AXIN2: variants seen among roughly 807,000 people sequenced by gnomAD.
AXIN2 encodes axin 2.
AXIN2 carries 21 observed loss-of-function variants against 74.7 expected under a neutral mutation model. The observed-to-expected ratio is 0.28, with a 90% confidence interval of 0.20 to 0.40. The LOEUF (loss-of-function observed/expected upper bound fraction) is 0.40. Among genes scored for constraint, AXIN2 ranks in the 10% least tolerant of loss-of-function variants. The pLI, the probability that AXIN2 is intolerant of heterozygous loss-of-function variation, is 1.00. For synonymous variants in AXIN2, 532 were observed against 454.9 expected (o/e 1.17, Z -2.16); for missense variants, 1,144 against 1,111.1 (o/e 1.03, Z -0.42).
intron 2 of AXIN2, among the ~76,000 whole-genome samples, chr17:65,555,318 G>T (rs918401041): frequency 6.6e-6 from 1 of 152,166 alleles, no homozygotes; most frequent in African/African-American, 2.4e-5. Flanking sequence ...GTACTCTGCA[G>T]AATGAGTGAG....
chr17:65,530,649 G>A (rs923250138), intron 10 of AXIN2, among the ~76,000 whole-genome samples: 1 of 152,140 alleles, frequency 6.6e-6, no homozygotes, highest in African/African-American at 2.4e-5. Flanking sequence ...CATCCTCCAG[G>A]TCCCAAGTGC....
chr17:65,530,241 T>G, intron 10 of AXIN2, 139 bp from the exon 11 acceptor site: 3 of 1,196,824 alleles, frequency 2.5e-6, no homozygotes, highest in Non-Finnish European at 2.4e-6. Context: ...TGCGCACATC[T>G]GCTTTAAGAC....
At chr17:65,550,936 G>C (rs1303744034) in intron 2 of AXIN2, among the ~76,000 whole-genome samples, 2 of 152,120 alleles carry the variant, frequency 1.3e-5, no homozygotes, top group East Asian at 1.9e-4. Context: ...AGGAGCACTG[G>C]ACTGTGCCCA....
chr17:65,545,931 C>T (rs1328207569), intron 3 of AXIN2, among the ~76,000 whole-genome samples: 1 of 152,124 alleles, frequency 6.6e-6, no homozygotes, highest in Non-Finnish European at 1.5e-5. Flanking sequence ...CTTGCAAAGG[C>T]CCCCAGGACT....
At chr17:65,552,765 A>T (rs1342952040) in intron 2 of AXIN2, among the ~76,000 whole-genome samples, 1 of 152,210 alleles carries the variant, frequency 6.6e-6, no homozygotes, top group African/African-American at 2.4e-5. Context: ...ACGGTGACCC[A>T]CGCCTATAAT....
chr17:65,529,981 C>T lies in AXIN2; in HGVS notation c.2527G>A (p.Asp843Asn), dbSNP rs1249731868. 3.7e-6 allele frequency: 6 copies of T among 1,614,192 alleles called. No individual in the cohort carries two copies. The highest frequency in any genetic ancestry group is 1.3e-5 in the African/African-American group (1 of 75,050). Residue 843 changes from aspartate to asparagine, a missense_variant, in exon 11 of 11, where the codon GAT becomes AAT. Transcript: ENST00000307078. Reference sequence around the variant, plus strand: ...CCAAAGCCAGACCCCAGGGCTCAATCGATCCGCTCCACTTTGCCCAGAATC... The same window carrying T: ...CCAAAGCCAGACCCCAGGGCTCAATTGATCCGCTCCACTTTGCCCAGAATC... ...GRILGKVERI[D>N]
intron 2 of AXIN2, among the ~76,000 whole-genome samples, chr17:65,553,113 C>T (rs73348109): frequency 0.075 from 11,400 of 152,222 alleles, 1,279 homozygotes; most frequent in African/African-American, 0.25. Context: ...TTATCATGAT[C>T]TATAATGACT....
Position 65,541,499 on chromosome 17 carries a change from G to A in AXIN2, c.1015C>T (p.Arg339Cys), listed in dbSNP as rs1060502160. 3 of 1,614,124 alleles carry A rather than the reference G, an allele frequency of 1.9e-6. No individual in the cohort carries two copies. The highest frequency in any genetic ancestry group is 2.5e-6 in the Non-Finnish European group (3 of 1,180,026). The change falls in exon 4 of 11, where the codon CGC (arginine) becomes TGC (cysteine). Residue 339 changes from arginine (R) to cysteine (C), a missense_variant. Transcript: ENST00000307078. The part of the protein sequence containing the change: ...SKKQLQREMH[R>C]SVKANGQVSL... Reference sequence around the variant, plus strand: ...ACTTGGCCATTGGCCTTCACACTGCGATGCATTTCTCTCTGGAGCTGTTTC... The same window carrying A: ...ACTTGGCCATTGGCCTTCACACTGCAATGCATTTCTCTCTGGAGCTGTTTC...
At position 65,537,855 on chromosome 17, in the gene AXIN2, A is replaced by G. The variant is rs2043964648; in HGVS notation, c.1201-20T>C. ...TTCATCCTGAAAGGGAAGACGTCAG[A>G]AGGAGAAGTGACCCAGGAAGCAGAA... On this transcript the variant is annotated intron_variant, in intron 5 of 10. Transcript: ENST00000307078. The G allele has an allele frequency of 6.5e-7, 1 of 1,529,374 alleles. No individual in the cohort carries two copies. The highest frequency in any genetic ancestry group is 8.8e-7 in the Non-Finnish European group (1 of 1,138,404). 94.7% of individuals were successfully genotyped at this position (1,529,374 alleles called of 1,614,324 possible).
In AXIN2 at chr17:65,546,143, G is replaced by A. The variant is rs185826025; in HGVS notation, c.956+3377C>T. Among the ~76,000 whole-genome samples the A allele has an allele frequency of 9.2e-4, 137 of 148,832 alleles. 1 individual carries two copies. Among genetic ancestry groups the A allele is most frequent in the African/African-American group, 3.1e-3 (125 of 40,576 alleles). ...CACAGCCCGCACTGGCCATTGTGACGGGAGAAACAGCCAGGGCTCTTTTCA... is the reference window on the plus strand; with the variant it reads ...CACAGCCCGCACTGGCCATTGTGACAGGAGAAACAGCCAGGGCTCTTTTCA... On this transcript the variant is annotated intron_variant, in intron 3 of 10. Coordinates refer to ENST00000307078, the MANE Select transcript of AXIN2 (RefSeq NM_004655.4).
intron 2 of AXIN2, among the ~76,000 whole-genome samples, chr17:65,553,847 CG>C (rs796606885): frequency 0.44 from 34,135 of 78,156 alleles, 5,006 homozygotes; most frequent in Middle Eastern, 0.55. Context: ...AAAAAAAAGG[CG>C]GGGGGGGGGG....
chr17:65,528,959 C>T lies in AXIN2; in HGVS notation c.*1017G>A, dbSNP rs1286168915. 2 of 275,264 alleles carry T rather than the reference C, an allele frequency of 7.3e-6. No individual in the cohort carries two copies. The highest frequency in any genetic ancestry group is 1.8e-4 in the South Asian group (2 of 11,156). The allele number at this position is 275,264 out of a possible 1,614,324, so 17.1% of individuals were successfully genotyped here. A position where few individuals can be genotyped will look rare whatever the true frequency, so the allele number is the denominator to read the frequency against. On this transcript the variant is annotated 3_prime_UTR_variant, in exon 11 of 11. Coordinates refer to ENST00000307078, the MANE Select transcript of AXIN2 (RefSeq NM_004655.4). ...TACAGATTAACTTAACACAAAAACC[C>T]GAACATCAAAATGAAGGTGTGTGGA... is the stretch of plus-strand genomic sequence containing the variant.
chr17:65,535,585 G>T, intron 9 of AXIN2, 41 bp downstream of exon 9: 1 of 1,567,908 alleles, frequency 6.4e-7, no homozygotes, highest in Non-Finnish European at 8.8e-7. Context: ...GAAACATAAA[G>T]CACTCGGCAG....
chr17:65,557,793 G>C lies in AXIN2; in HGVS notation c.815+13C>G, dbSNP rs955447373. The C allele has an allele frequency of 6.2e-7, 1 of 1,613,566 alleles. No individual in the cohort carries two copies. Among genetic ancestry groups the C allele is most frequent in the African/African-American group, 1.3e-5 (1 of 74,894 alleles). On this transcript the variant is annotated intron_variant, in intron 2 of 10. Transcript: ENST00000307078. ...CCACAGCATCAGCCCACCCGCCCCC[G>C]TCAAAGTCTTACCTGTATCCACTGT... is the stretch of plus-strand genomic sequence containing the variant.
intron 1 of AXIN2, among the ~76,000 whole-genome samples, chr17:65,559,123 C>T (rs2044322759): frequency 6.6e-6 from 1 of 152,094 alleles, no homozygotes; most frequent in Non-Finnish European, 1.5e-5. Flanking sequence ...CCTTCCCCTC[C>T]CCCGATACCA....
intron 5 of AXIN2, 115 bp downstream of exon 5, chr17:65,538,088 T>TGCGCATGCAGCCCAC: frequency 6.4e-7 from 1 of 1,565,268 alleles, no homozygotes; most frequent in Non-Finnish European, 8.7e-7. Context: ...CCCACGCGCA[T>TGCGCATGCAGCCCAC]GCGCATGCAA....
chr17:65,543,206 G>T (rs781574159), intron 3 of AXIN2, among the ~76,000 whole-genome samples: 3 of 152,194 alleles, frequency 2.0e-5, no homozygotes, highest in African/African-American at 4.8e-5. Flanking sequence ...CCAAAGAAAG[G>T]TAAGTATGGA....
At chr17:65,538,138 T>C (rs2144473849) in intron 5 of AXIN2, 65 bp downstream of exon 5, 2 of 1,611,082 alleles carry the variant, frequency 1.2e-6, no homozygotes, top group African/African-American at 1.3e-5. Context: ...CCCATGCACA[T>C]GCGCATACAC....
intron 2 of AXIN2, among the ~76,000 whole-genome samples, chr17:65,555,972 T>G (rs1271604121): frequency 6.6e-6 from 1 of 152,076 alleles, no homozygotes; most frequent in African/African-American, 2.4e-5. Flanking sequence ...AATGACAAGC[T>G]GTCACCTCTT....
Sources: gnomAD v4.1 joint callset for allele counts (sites outside exome capture counted in the v4.1 genomes callset) on GRCh38, gnomAD v4.1.1 for gene constraint, MANE v1.5 for transcripts, NCBI Gene and HGNC (gene_info 2026-07-23, HGNC 2026-07-21) for gene names.